Variants in IFT52 observed in about 807,000 individuals in gnomAD.
IFT52 encodes the protein intraflagellar transport 52, also known as intraflagellar transport protein 52 homolog.
Under a neutral mutation model 54.4 loss-of-function variants are expected in IFT52, and 44 were observed. That is an observed-to-expected ratio of 0.81 (90% CI 0.63 to 1.04). IFT52 has a LOEUF of 1.04. Among genes scored for constraint, IFT52 ranks in the 50% least tolerant of loss-of-function variants. The probability of loss-of-function intolerance (pLI) is 0.00; values close to 1 mark genes in which losing one functional copy is unlikely to be tolerated. For synonymous variants in IFT52, 181 were observed against 185.3 expected (o/e 0.98, Z 0.19); for missense variants, 452 against 523.6 (o/e 0.86, Z 1.33).
intron 8 of IFT52, 146 bp from the exon 9 acceptor site, chr20:43,620,711 T>C (rs980360762): frequency 6.8e-5 from 41 of 606,528 alleles, no homozygotes; most frequent in Middle Eastern, 4.5e-4. Context: ...TATGATTGCA[T>C]CAAGACAAGG....
chr20:43,622,246 C>A (rs1600491328), intron 9 of IFT52, among the ~76,000 whole-genome samples: 1 of 152,220 alleles, frequency 6.6e-6, no homozygotes, highest in Middle Eastern at 3.4e-3. Flanking sequence ...TAAAATATTT[C>A]CTTATGTGGA....
chr20:43,646,867 C>G, intron 13 of IFT52, 69 bp from the exon 14 acceptor site: 1 of 1,231,934 alleles, frequency 8.1e-7, no homozygotes, highest in Non-Finnish European at 1.2e-6. Context: ...AAGTCCAAAG[C>G]ACTGAAGAGT....
intron 9 of IFT52, among the ~76,000 whole-genome samples, chr20:43,622,172 C>G (rs764568888): frequency 2.6e-5 from 4 of 152,208 alleles, no homozygotes; most frequent in Admixed American, 6.5e-5. Context: ...ACTGCTTCCT[C>G]CCTCACTAGG....
rs773030125 is a variant in IFT52, at chr20:43,646,971, G to C, written c.1302G>C (p.Gln434His). 1.2e-6 allele frequency: 2 copies of C among 1,613,602 alleles called. No individual in the cohort carries two copies. The highest frequency in any genetic ancestry group is 1.6e-4 in the Middle Eastern group (1 of 6,082). ...HDIDTSETAF[Q>H]NNF Reference sequence around the variant, plus strand: ...TCGATACAAGTGAAACAGCATTCCAGAACAATTTCTGAAGACCATGCCTCT... The same window carrying C: ...TCGATACAAGTGAAACAGCATTCCACAACAATTTCTGAAGACCATGCCTCT... The change falls in exon 14 of 14, where the codon CAG becomes CAC. Residue 434 changes from glutamine to histidine, a missense_variant. Coordinates refer to ENST00000373030, the MANE Select transcript of IFT52 (RefSeq NM_016004.5).
At chr20:43,625,425 T>C (rs1984644529) in intron 10 of IFT52, among the ~76,000 whole-genome samples, 1 of 152,046 alleles carries the variant, frequency 6.6e-6, no homozygotes, top group African/African-American at 2.4e-5. Flanking sequence ...GGAGAATCGT[T>C]TGAACCCAGA....
intron 12 of IFT52, among the ~76,000 whole-genome samples, chr20:43,639,278 C>G (rs1372121257): frequency 6.6e-6 from 1 of 151,344 alleles, no homozygotes; most frequent in African/African-American, 2.4e-5. Flanking sequence ...TGGATCATGC[C>G]TATAATCTGA....
chr20:43,624,095 T>C (rs1213626466), intron 10 of IFT52, 50 bp downstream of exon 10: 7 of 1,584,214 alleles, frequency 4.4e-6, no homozygotes. Context: ...TCTGAGTGTT[T>C]GGTTTGGAAA....
chr20:43,635,858 T>A, intron 10 of IFT52, 68 bp from the exon 11 acceptor site: 2 of 1,362,664 alleles, frequency 1.5e-6, no homozygotes, highest in Non-Finnish European at 2.1e-6. Flanking sequence ...AACAACACAG[T>A]GTGGTCAGTT....
At chr20:43,597,705 C>G (rs1216898683) in intron 3 of IFT52, among the ~76,000 whole-genome samples, 3 of 152,014 alleles carry the variant, frequency 2.0e-5, no homozygotes, top group Non-Finnish European at 4.4e-5. Flanking sequence ...ACTAGCCTGG[C>G]CAACATGGTG....
At chr20:43,601,053 G>A (rs555208997) in intron 3 of IFT52, among the ~76,000 whole-genome samples, 3 of 152,250 alleles carry the variant, frequency 2.0e-5, no homozygotes, top group East Asian at 3.9e-4. Flanking sequence ...GTGACTATCT[G>A]AGAAGATATT....
At chr20:43,623,817 C>T in intron 9 of IFT52, 74 bp from the exon 10 acceptor site, 10 of 1,478,996 alleles carry the variant, frequency 6.8e-6, no homozygotes, top group Middle Eastern at 1.8e-4. Context: ...AGATTTAGAC[C>T]TGAGACAGTG....
In IFT52 at chr20:43,627,181, AGAAAG is replaced by A. The variant is rs199915715; in HGVS notation, c.923+3140_923+3144del. Among the ~76,000 whole-genome samples, 1,103 of 151,970 alleles carry A rather than the reference AGAAAG, an allele frequency of 7.3e-3. 15 individuals are homozygous for A. The highest frequency in any genetic ancestry group is 0.025 in the African/African-American group (1,017 of 41,408). On this transcript the variant is annotated intron_variant, in intron 10 of 13. Transcript: ENST00000373030. ...GACTCCATCTCAGAAAAAAAAAAAA[AGAAAG>A]GAAGAAATAGAAAAGCCAAAAGAAG...
intron 9 of IFT52, 84 bp downstream of exon 9, chr20:43,621,009 A>G (rs970040715): frequency 2.1e-6 from 2 of 963,266 alleles, no homozygotes; most frequent in Non-Finnish European, 1.7e-6. Flanking sequence ...AAAGGAATAC[A>G]TGACTGTCTT....
chr20:43,634,906 C>T (rs1242181385), intron 10 of IFT52, among the ~76,000 whole-genome samples: 1 of 152,132 alleles, frequency 6.6e-6, no homozygotes, highest in Non-Finnish European at 1.5e-5. Flanking sequence ...TGCGGTGGCT[C>T]ATGCCTGTAA....
At chr20:43,613,240 C>T (rs890260594) in intron 6 of IFT52, among the ~76,000 whole-genome samples, 2 of 152,130 alleles carry the variant, frequency 1.3e-5, no homozygotes, top group African/African-American at 2.4e-5. Flanking sequence ...GGAAGAAGAA[C>T]GTATTTACCA....
chr20:43,626,136 G>C (rs529590986), intron 10 of IFT52, among the ~76,000 whole-genome samples: 1 of 151,892 alleles, frequency 6.6e-6, no homozygotes, highest in African/African-American at 2.4e-5. Flanking sequence ...ATGTCAATTA[G>C]GTATCCAGAT....
intron 4 of IFT52, 122 bp downstream of exon 4, chr20:43,604,011 T>C (rs1982660559): frequency 1.1e-6 from 1 of 934,690 alleles, no homozygotes; most frequent in Non-Finnish European, 1.7e-6. Context: ...TGTTTTAATG[T>C]TCCATTCTCA....
intron 6 of IFT52, among the ~76,000 whole-genome samples, chr20:43,605,792 T>C (rs1982822371): frequency 1.3e-5 from 2 of 152,218 alleles, no homozygotes; most frequent in South Asian, 4.1e-4. Flanking sequence ...CTTACAACTC[T>C]GGAAAGTTAG....
chr20:43,637,067 C>A, intron 11 of IFT52, 78 bp from the exon 12 acceptor site: 1 of 986,198 alleles, frequency 1.0e-6, no homozygotes, highest in Non-Finnish European at 1.6e-6. Flanking sequence ...TGATTTTGGA[C>A]AAGCTCTTTC....
Sources: gnomAD v4.1 joint callset for allele counts (sites outside exome capture counted in the v4.1 genomes callset) on GRCh38, gnomAD v4.1.1 for gene constraint, MANE v1.5 for transcripts, NCBI Gene and HGNC (gene_info 2026-07-23, HGNC 2026-07-21) for gene names.